The following UBR3 variants were observed in gnomAD, a reference collection of about 807,000 sequenced individuals.
UBR3 encodes the protein ubiquitin protein ligase E3 component n-recognin 3.
Under a neutral mutation model 243.2 loss-of-function variants are expected in UBR3, and 85 were observed. The ratio of observed to expected loss-of-function variants is 0.35; its 90% CI spans 0.29 to 0.42. The LOEUF (loss-of-function observed/expected upper bound fraction) is 0.42, where lower values mean the gene tolerates loss of function less well. UBR3 is among the 10% of genes least tolerant of loss of function. The probability of loss-of-function intolerance (pLI) is 1.00; values close to 1 mark genes in which losing one functional copy is unlikely to be tolerated. For synonymous variants in UBR3, 748 were observed against 799.8 expected, an observed-to-expected ratio of 0.94 and a Z score of 1.09; for missense variants, 1,686 against 2,300.8, an observed-to-expected ratio of 0.73 and a Z score of 5.47.
Position 170,032,159 on chromosome 2 carries a change from C to G in UBR3, c.4556+2711C>G, listed in dbSNP as rs1251094552. Among the ~76,000 whole-genome samples, 3 of 152,002 alleles carry G rather than the reference C, an allele frequency of 2.0e-5. No individual in the cohort carries two copies. In the East Asian group the frequency reaches 5.8e-4, roughly 29 times the overall value. On this transcript the variant is annotated intron_variant, in intron 31 of 38. Coordinates refer to ENST00000272793, the MANE Select transcript of UBR3 (RefSeq NM_172070.4). Reference sequence around the variant, plus strand: ...CTGATCTTGAAATATCAACAACACCCAGAGACAATGTCAAGAAAATATCTA... The same window carrying G: ...CTGATCTTGAAATATCAACAACACCGAGAGACAATGTCAAGAAAATATCTA...
intron 23 of UBR3, among the ~76,000 whole-genome samples, chr2:169,952,693 CA>C (rs200296596): frequency 3.6e-4 from 53 of 145,642 alleles, no homozygotes; most frequent in South Asian, 1.7e-3. Context: ...GACTCCATCT[CA>C]AAAAAAAAAG....
At chr2:170,075,040 AAATT>A (rs2091775696) in intron 36 of UBR3, among the ~76,000 whole-genome samples, 1 of 152,170 alleles carries the variant, frequency 6.6e-6, no homozygotes, top group Non-Finnish European at 1.5e-5. Flanking sequence ...GGACAATAAA[AAATT>A]AATATTTCAG....
At chr2:169,830,021 G>A (rs1310901682) in intron 1 of UBR3, among the ~76,000 whole-genome samples, 1 of 151,886 alleles carries the variant, frequency 6.6e-6, no homozygotes, top group Non-Finnish European at 1.5e-5. Flanking sequence ...TATCTTAGAT[G>A]TATTTTTCCT....
intron 1 of UBR3, among the ~76,000 whole-genome samples, chr2:169,839,216 A>G (rs2082210262): frequency 6.6e-6 from 1 of 152,244 alleles, no homozygotes; most frequent in Non-Finnish European, 1.5e-5. Context: ...TGTCATTTGT[A>G]GCAACATGGG....
intron 22 of UBR3, 106 bp from the exon 23 acceptor site, chr2:169,949,499 G>A: frequency 9.8e-7 from 1 of 1,023,712 alleles, no homozygotes; most frequent in Non-Finnish European, 1.4e-6. Flanking sequence ...ATAAATCTTT[G>A]TATGAAACTG....
intron 26 of UBR3, among the ~76,000 whole-genome samples, 161 bp from the exon 27 acceptor site, chr2:170,001,143 G>T (rs6747881): frequency 0.38 from 58,011 of 151,982 alleles, 11,738 homozygotes; most frequent in African/African-American, 0.52. Context: ...GATAGTGCCT[G>T]AAGACTATCT....
intron 30 of UBR3, among the ~76,000 whole-genome samples, chr2:170,019,725 C>T (rs1197348496): frequency 1.3e-5 from 2 of 151,980 alleles, no homozygotes; most frequent in Non-Finnish European, 2.9e-5. Context: ...TTAATTTCTC[C>T]CTACAGTTAG....
At chr2:169,905,985 T>A in intron 9 of UBR3, 46 bp from the exon 10 acceptor site, 1 of 1,537,120 alleles carries the variant, frequency 6.5e-7, no homozygotes, top group Non-Finnish European at 8.8e-7. Context: ...AACATGAATG[T>A]GTGCTTCCAC....
At chr2:169,935,118 ATATG>A (rs1242060441) in intron 19 of UBR3, among the ~76,000 whole-genome samples, 1 of 152,228 alleles carries the variant, frequency 6.6e-6, no homozygotes, top group African/African-American at 2.4e-5. Flanking sequence ...TATATTTTAT[ATATG>A]AAGACATTGT....
At chr2:169,961,128 A>T (rs1017770) in intron 24 of UBR3, among the ~76,000 whole-genome samples, 14,798 of 151,980 alleles carry the variant, frequency 0.097, 887 homozygotes, top group African/African-American at 0.16. Context: ...TGATATCTCT[A>T]TTATTCTATC....
At chr2:169,949,468 T>C in intron 22 of UBR3, 137 bp from the exon 23 acceptor site, 1 of 818,950 alleles carries the variant, frequency 1.2e-6, no homozygotes, top group Non-Finnish European at 1.8e-6. Flanking sequence ...GAGAAATTTA[T>C]TTAAAGAGCA....
At chr2:169,935,757 G>A (rs1378326797) in intron 19 of UBR3, among the ~76,000 whole-genome samples, 2 of 152,032 alleles carry the variant, frequency 1.3e-5, no homozygotes, top group Admixed American at 6.6e-5. Context: ...CTGTCATGTA[G>A]CATTTCATTT....
intron 5 of UBR3, among the ~76,000 whole-genome samples, chr2:169,880,110 T>A (rs536986315): frequency 9.9e-5 from 15 of 152,028 alleles, no homozygotes; most frequent in African/African-American, 3.4e-4. Context: ...AGAGTAGGAG[T>A]TGACTATGAA....
intron 24 of UBR3, among the ~76,000 whole-genome samples, chr2:169,964,703 A>G (rs1168175090): frequency 2.0e-5 from 3 of 152,224 alleles, no homozygotes; most frequent in Non-Finnish European, 4.4e-5. Flanking sequence ...AAAGCTGACT[A>G]TAAATAAAGA....
At position 170,073,494 on chromosome 2, in the gene UBR3, C is replaced by T. The variant is rs763951033; in HGVS notation, c.5086C>T (p.His1696Tyr). 4.0e-5 allele frequency: 65 copies of T among 1,613,846 alleles called. No individual in the cohort carries two copies. Among genetic ancestry groups the T allele is most frequent in the Non-Finnish European group, 5.0e-5 (59 of 1,179,762 alleles). Residue 1696 changes from histidine to tyrosine, a missense_variant, in exon 36 of 39, where the codon CAT becomes TAT. Transcript: ENST00000272793. ...TCTGCCAACGTTTTACCAAACAGAA[C>T]ATCCATTCATCAGTGCCTCCTGTCT... ...GLLPTFYQTE[H>Y]PFISASCLDW...
intron 5 of UBR3, among the ~76,000 whole-genome samples, chr2:169,879,448 A>T (rs2105315186): frequency 6.6e-6 from 1 of 152,076 alleles, no homozygotes; most frequent in Non-Finnish European, 1.5e-5. Flanking sequence ...CATTTTGTGG[A>T]GTCTCATTTT....
chr2:170,058,201 T>G (rs1276923247), intron 33 of UBR3, among the ~76,000 whole-genome samples: 1 of 152,196 alleles, frequency 6.6e-6, no homozygotes, highest in Non-Finnish European at 1.5e-5. Context: ...CTTTCTTCCT[T>G]TCTTCATTGA....
intron 1 of UBR3, among the ~76,000 whole-genome samples, chr2:169,842,442 T>C (rs964858440): frequency 6.6e-6 from 1 of 152,118 alleles, no homozygotes; most frequent in Non-Finnish European, 1.5e-5. Flanking sequence ...TAGCCAGCAT[T>C]GGCAACCCTC....
intron 1 of UBR3, among the ~76,000 whole-genome samples, chr2:169,840,849 T>C (rs1359814225): frequency 6.6e-6 from 1 of 152,110 alleles, no homozygotes; most frequent in Non-Finnish European, 1.5e-5. Flanking sequence ...CTTAGCAGCA[T>C]CTGGGCCCAC....
Sources: allele counts gnomAD v4.1 joint callset (sites outside exome capture counted in the v4.1 genomes callset), GRCh38; gene constraint gnomAD v4.1.1; transcripts MANE v1.5; gene names NCBI Gene and HGNC (gene_info 2026-07-23, HGNC 2026-07-21).